The following MAGI2 variants were observed in gnomAD, a reference collection of about 807,000 sequenced individuals.
The protein encoded by MAGI2 is membrane-associated guanylate kinase, WW and PDZ domain-containing protein 2.
Under a neutral mutation model 133.3 loss-of-function variants are expected in MAGI2, and 35 were observed. The ratio of observed to expected loss-of-function variants is 0.26; its 90% CI spans 0.20 to 0.35. The LOEUF (loss-of-function observed/expected upper bound fraction) is 0.35. Ranked by LOEUF, MAGI2 falls within the 10% of genes least tolerant of loss-of-function variation. The pLI is 1.00. For missense variants in MAGI2, 1,636 were observed against 1,863.4 expected (o/e 0.88, Z 2.25); for synonymous variants, 729 against 710.6 (o/e 1.03, Z -0.41).
At chr7:78,924,079 T>G (rs1326437783) in intron 2 of MAGI2, among the ~76,000 whole-genome samples, 1 of 152,202 alleles carries the variant, frequency 6.6e-6, no homozygotes, top group Admixed American at 6.5e-5. Flanking sequence ...GCTTATCAGC[T>G]TAAGGAGATT....
At chr7:78,642,046 T>G (rs538957070) in intron 2 of MAGI2, among the ~76,000 whole-genome samples, 1 of 152,258 alleles carries the variant, frequency 6.6e-6, no homozygotes, top group South Asian at 2.1e-4. Context: ...TGCTAAGGAA[T>G]TTACCAGACA....
chr7:78,490,455 G>T (rs560062505), intron 5 of MAGI2, among the ~76,000 whole-genome samples: 1 of 152,008 alleles, frequency 6.6e-6, no homozygotes. Flanking sequence ...TTCTGAAATG[G>T]CATTTCCAGA....
intron 1 of MAGI2, among the ~76,000 whole-genome samples, chr7:79,064,115 T>C (rs1399389921): frequency 6.6e-6 from 1 of 151,880 alleles, no homozygotes; most frequent in Non-Finnish European, 1.5e-5. Context: ...GATGATACAA[T>C]AAAAAATATA....
At chr7:78,475,987 C>T (rs1242483364) in intron 6 of MAGI2, among the ~76,000 whole-genome samples, 1 of 151,870 alleles carries the variant, frequency 6.6e-6, no homozygotes, top group Non-Finnish European at 1.5e-5. Context: ...TTGTTAAACT[C>T]TCCTCTTCAT....
At chr7:78,296,252 G>A (rs1797226600) in intron 9 of MAGI2, among the ~76,000 whole-genome samples, 1 of 152,132 alleles carries the variant, frequency 6.6e-6, no homozygotes, top group Non-Finnish European at 1.5e-5. Context: ...GTTCTATGAG[G>A]TCCTACATAA....
chr7:78,445,434 G>A (rs542784807), intron 6 of MAGI2, among the ~76,000 whole-genome samples: 1 of 152,016 alleles, frequency 6.6e-6, no homozygotes, highest in East Asian at 1.9e-4. Context: ...ATGAAAAAAG[G>A]GACCTATGTG....
intron 7 of MAGI2, among the ~76,000 whole-genome samples, chr7:78,368,437 A>G (rs1206684027): frequency 6.6e-6 from 1 of 152,140 alleles, no homozygotes; most frequent in African/African-American, 2.4e-5. Context: ...TATTCACCCA[A>G]ATAACTTTAG....
intron 2 of MAGI2, among the ~76,000 whole-genome samples, chr7:78,692,503 C>G (rs1009306887): frequency 6.6e-5 from 10 of 151,880 alleles, no homozygotes; most frequent in African/African-American, 2.4e-4. Flanking sequence ...TAAGTCTGCT[C>G]TCGTTTCATT....
chr7:78,353,380 C>T (rs1002633980), intron 7 of MAGI2, among the ~76,000 whole-genome samples: 3 of 152,162 alleles, frequency 2.0e-5, no homozygotes, highest in African/African-American at 7.2e-5. Context: ...AATCCTTTCC[C>T]TCAGGAGGCT....
At chr7:79,159,869 T>G (rs1040100650) in intron 1 of MAGI2, among the ~76,000 whole-genome samples, 2 of 152,088 alleles carry the variant, frequency 1.3e-5, no homozygotes, top group African/African-American at 4.8e-5. Flanking sequence ...CTTTTGGACA[T>G]GTCTTTTTAT....
At chr7:79,360,367 G>T (rs764517244) in intron 1 of MAGI2, among the ~76,000 whole-genome samples, 4 of 152,028 alleles carry the variant, frequency 2.6e-5, no homozygotes, top group Non-Finnish European at 5.9e-5. Flanking sequence ...AGTGGTTAAA[G>T]ATTGGCTAAA....
At chr7:78,910,645 C>G (rs1563653476) in intron 2 of MAGI2, among the ~76,000 whole-genome samples, 1 of 152,124 alleles carries the variant, frequency 6.6e-6, no homozygotes, top group Non-Finnish European at 1.5e-5. Context: ...CAACACTAGT[C>G]TAATATTCCA....
chr7:78,333,763 G>T (rs780088745), intron 9 of MAGI2, among the ~76,000 whole-genome samples: 3 of 152,174 alleles, frequency 2.0e-5, no homozygotes, highest in Admixed American at 6.5e-5. Context: ...GCCGCCCTGC[G>T]CATGCTAGCC....
At chr7:78,750,395 G>T (rs1333594367) in intron 2 of MAGI2, among the ~76,000 whole-genome samples, 2 of 152,216 alleles carry the variant, frequency 1.3e-5, no homozygotes, top group Non-Finnish European at 2.9e-5. Context: ...ACTCCTTTGG[G>T]TATATACCCA....
At chr7:78,628,039 C>T (rs1002777737) in intron 2 of MAGI2, among the ~76,000 whole-genome samples, 1 of 152,140 alleles carries the variant, frequency 6.6e-6, no homozygotes, top group African/African-American at 2.4e-5. Context: ...GGAGCTATGA[C>T]GGCCAAGGTG....
chr7:79,000,387 C>T lies in MAGI2; in HGVS notation c.418+6703G>A, dbSNP rs144815076. The T allele has an allele frequency of 2.4e-4, 37 of 152,216 alleles. No individual in the cohort carries two copies. The East Asian group carries it at 6.6e-3, about 27-fold the overall frequency. The allele number at this position is 152,216 out of a possible 1,614,324, so 9.4% of individuals were successfully genotyped here. ...CATTCATATCCACAAAAACACATTG[C>T]CTTGTTAGATGTTAACACGTATTTT... On this transcript the variant is annotated intron_variant, in intron 2 of 21. Transcript: ENST00000354212.
chr7:78,196,993 T>A (rs1018599140), intron 11 of MAGI2, among the ~76,000 whole-genome samples: 9 of 152,338 alleles, frequency 5.9e-5, no homozygotes, highest in African/African-American at 2.2e-4. Context: ...CAGAAGTAAT[T>A]GTTTATATAA....
At position 78,398,249 on chromosome 7, in the gene MAGI2, T is replaced by C. The variant is rs564872450; in HGVS notation, c.1046-29036A>G. 1.6e-4 allele frequency among the ~76,000 whole-genome samples: 24 copies of C among 152,310 alleles called. 1 individual carries two copies. In the South Asian group the frequency reaches 4.8e-3, roughly 30 times the overall value. ...ACTCAGATAATAATATCTGTTCTTA[T>C]AAGAGAACAGCTGAAGTGACTCGAT... On this transcript the variant is annotated intron_variant, in intron 6 of 21. Coordinates refer to ENST00000354212, the MANE Select transcript of MAGI2 (RefSeq NM_012301.4).
At chr7:79,042,801 AT>A (rs1484104955) in intron 1 of MAGI2, among the ~76,000 whole-genome samples, 1 of 152,168 alleles carries the variant, frequency 6.6e-6, no homozygotes, top group African/African-American at 2.4e-5. Flanking sequence ...TCACCTGCAT[AT>A]GGCATATACT....
Sources: gnomAD v4.1 joint callset for allele counts (sites outside exome capture counted in the v4.1 genomes callset) on GRCh38, gnomAD v4.1.1 for gene constraint, MANE v1.5 for transcripts, NCBI Gene and HGNC (gene_info 2026-07-23, HGNC 2026-07-21) for gene names.